MDFIC2: variants seen among roughly 807,000 people sequenced by gnomAD.
The protein encoded by MDFIC2 is MyoD family inhibitor domain containing 2, also known as myoD family inhibitor domain-containing protein 2.
At chr3:70,248,165 C>A (rs1162955790) in intron 2 of MDFIC2, among the ~76,000 whole-genome samples, 1 of 151,990 alleles carries the variant, frequency 6.6e-6, no homozygotes, top group Non-Finnish European at 1.5e-5. Flanking sequence ...GACTCACAGT[C>A]TAATAGGACA....
At chr3:70,304,393 T>C (rs977439452) in intron 2 of MDFIC2, among the ~76,000 whole-genome samples, 4 of 152,174 alleles carry the variant, frequency 2.6e-5, no homozygotes, top group Non-Finnish European at 5.9e-5. Flanking sequence ...TCTCATATAT[T>C]CTATTGCCCA....
At chr3:70,251,062 G>A (rs1228104966) in intron 2 of MDFIC2, among the ~76,000 whole-genome samples, 1 of 152,164 alleles carries the variant, frequency 6.6e-6, no homozygotes, top group Admixed American at 6.5e-5. Flanking sequence ...GTACACGGTT[G>A]AATCGTATTC....
chr3:70,211,042 T>A (rs1270283453), intron 2 of MDFIC2, among the ~76,000 whole-genome samples: 1 of 152,136 alleles, frequency 6.6e-6, no homozygotes, highest in Non-Finnish European at 1.5e-5. Flanking sequence ...GATCACTAAA[T>A]GTGACTTTGT....
intron 2 of MDFIC2, among the ~76,000 whole-genome samples, chr3:70,255,325 G>C (rs1701805698): frequency 6.6e-6 from 1 of 152,158 alleles, no homozygotes; most frequent in African/African-American, 2.4e-5. Flanking sequence ...GTCAGTAAAA[G>C]TGCAGAAATA....
chr3:70,282,063 C>A (rs957461309), intron 2 of MDFIC2, among the ~76,000 whole-genome samples: 1 of 152,142 alleles, frequency 6.6e-6, no homozygotes, highest in Non-Finnish European at 1.5e-5. Context: ...TAAAGCCAAT[C>A]ACTGAGACAA....
intron 2 of MDFIC2, among the ~76,000 whole-genome samples, chr3:70,226,343 A>G (rs1018148458): frequency 3.9e-5 from 6 of 152,202 alleles, no homozygotes; most frequent in Admixed American, 3.3e-4. Context: ...TAACAGAGGC[A>G]CACACACAGC....
intron 2 of MDFIC2, among the ~76,000 whole-genome samples, chr3:70,304,843 A>G (rs764791497): frequency 3.3e-5 from 5 of 152,168 alleles, no homozygotes; most frequent in Non-Finnish European, 7.4e-5. Context: ...ACTGACCAAC[A>G]AGGTTCTGCA....
chr3:70,283,264 C>T (rs1179622160), intron 2 of MDFIC2, among the ~76,000 whole-genome samples: 1 of 151,998 alleles, frequency 6.6e-6, no homozygotes, highest in African/African-American at 2.4e-5. Flanking sequence ...CTCATGCAGT[C>T]CTCTGATTGA....
intron 2 of MDFIC2, among the ~76,000 whole-genome samples, chr3:70,267,580 T>TG (rs1701930410): frequency 2.8e-5 from 4 of 144,782 alleles, no homozygotes; most frequent in Non-Finnish European, 6.1e-5. Context: ...TTTTTTGTAT[T>TG]TTTTTTTTTT....
intron 2 of MDFIC2, among the ~76,000 whole-genome samples, chr3:70,301,744 A>G (rs770760297): frequency 5.3e-5 from 8 of 152,092 alleles, no homozygotes; most frequent in Non-Finnish European, 1.2e-4. Flanking sequence ...AAGAAGATTT[A>G]TTTATATAAA....
At chr3:70,250,071 G>A (rs966151013) in intron 2 of MDFIC2, among the ~76,000 whole-genome samples, 2 of 152,160 alleles carry the variant, frequency 1.3e-5, no homozygotes, top group Non-Finnish European at 1.5e-5. Flanking sequence ...GTGTGGTCAG[G>A]TTGTGCAAAT....
intron 2 of MDFIC2, among the ~76,000 whole-genome samples, chr3:70,278,249 T>C (rs185622806): frequency 1.4e-4 from 22 of 152,344 alleles, no homozygotes; most frequent in African/African-American, 3.8e-4. Flanking sequence ...ATTTACATTC[T>C]TGTGTGTACC....
At position 70,198,552 on chromosome 3, in the gene MDFIC2, T is replaced by C. The variant is rs982840342; in HGVS notation, c.311-1367A>G. ...CTATATAAAGTTATAAGGTGAGTCC[T>C]GAATATAAGTAAACAGAAATCTTTC... is the stretch of plus-strand genomic sequence containing the variant. On this transcript the variant is annotated intron_variant, in intron 3 of 3. Coordinates refer to ENST00000567252, the MANE Select transcript of MDFIC2 (RefSeq NM_001364677.1). Among the ~76,000 whole-genome samples the C allele has an allele frequency of 7.8e-4, 119 of 152,200 alleles. 1 individual carries two copies. The highest frequency in any genetic ancestry group is 1.8e-4 in the Non-Finnish European group (12 of 68,034).
At chr3:70,305,328 T>C (rs1309555574) in intron 2 of MDFIC2, among the ~76,000 whole-genome samples, 1 of 152,190 alleles carries the variant, frequency 6.6e-6, no homozygotes, top group Non-Finnish European at 1.5e-5. Context: ...CATGAGTTAA[T>C]GAAAACTACA....
At chr3:70,226,436 C>G (rs1701507575) in intron 2 of MDFIC2, among the ~76,000 whole-genome samples, 1 of 152,070 alleles carries the variant, frequency 6.6e-6, no homozygotes, top group Non-Finnish European at 1.5e-5. Context: ...TTCACTGGAT[C>G]TTTAAAAATT....
chr3:70,217,198 C>T (rs987538336), intron 2 of MDFIC2, among the ~76,000 whole-genome samples: 1 of 152,084 alleles, frequency 6.6e-6, no homozygotes, highest in Non-Finnish European at 1.5e-5. Context: ...AGGTACTCAA[C>T]ATACAGGGAA....
intron 3 of MDFIC2, chr3:70,204,771 C>A (rs1701274854): frequency 6.6e-6 from 1 of 151,964 alleles, no homozygotes; most frequent in Non-Finnish European, 1.5e-5. Flanking sequence ...TGGCTTGGCC[C>A]CTCTTATTCC....
At chr3:70,241,345 G>C (rs1701666190) in intron 2 of MDFIC2, among the ~76,000 whole-genome samples, 2 of 152,014 alleles carry the variant, frequency 1.3e-5, no homozygotes, top group Non-Finnish European at 2.9e-5. Flanking sequence ...TTCTCCAATT[G>C]TTTTCTTTCA....
intron 2 of MDFIC2, among the ~76,000 whole-genome samples, chr3:70,245,840 T>G (rs1177486949): frequency 6.6e-6 from 1 of 151,066 alleles, no homozygotes; most frequent in African/African-American, 2.4e-5. Context: ...GAATGTCTAC[T>G]GATGGTGTTA....
Sources: allele counts gnomAD v4.1 joint callset (sites outside exome capture counted in the v4.1 genomes callset), GRCh38; gene constraint gnomAD v4.1.1; transcripts MANE v1.5; gene names NCBI Gene and HGNC (gene_info 2026-07-23, HGNC 2026-07-21).